MBD5: variants seen among roughly 807,000 people sequenced by gnomAD.
MBD5 encodes methyl-CpG binding domain protein 5.
Under a neutral mutation model 117.3 loss-of-function variants are expected in MBD5, and 13 were observed. The observed-to-expected ratio is 0.11, with a 90% confidence interval of 0.07 to 0.18. MBD5 has a LOEUF of 0.18. Among genes scored for constraint, MBD5 ranks in the 10% least tolerant of loss-of-function variants. The pLI, the probability that MBD5 is intolerant of heterozygous loss-of-function variation, is 1.00. For missense variants in MBD5, 1,879 were observed against 2,093.8 expected, an observed-to-expected ratio of 0.90 and a Z score of 2.00; for synonymous variants, 727 against 766.4, an observed-to-expected ratio of 0.95 and a Z score of 0.85.
At chr2:148,186,400 C>T (rs571647415) in intron 2 of MBD5, among the ~76,000 whole-genome samples, 1 of 152,142 alleles carries the variant, frequency 6.6e-6, no homozygotes, top group Non-Finnish European at 1.5e-5. Context: ...AGCATGAAAA[C>T]AGACAAATAC....
chr2:148,326,884 G>T (rs1011344159), intron 3 of MBD5, among the ~76,000 whole-genome samples: 67 of 149,022 alleles, frequency 4.5e-4, no homozygotes, highest in African/African-American at 1.5e-3. Flanking sequence ...TCATTATGAT[G>T]TTAGCTGGTG....
chr2:148,067,205 T>C (rs1229969761), intron 1 of MBD5, among the ~76,000 whole-genome samples: 6 of 152,218 alleles, frequency 3.9e-5, no homozygotes, highest in African/African-American at 1.4e-4. Flanking sequence ...AGCAGTTCTA[T>C]TGAACACCCA....
intron 2 of MBD5, among the ~76,000 whole-genome samples, chr2:148,211,535 T>C (rs1699422134): frequency 6.6e-6 from 1 of 152,170 alleles, no homozygotes; most frequent in Non-Finnish European, 1.5e-5. Context: ...TTTTCCTGTG[T>C]TTATTTATTC....
chr2:148,489,972 A>G lies in MBD5; in HGVS notation c.4340A>G (p.Glu1447Gly). 6.2e-7 allele frequency: 1 copy of G among 1,614,062 alleles called. No homozygotes were observed. The highest frequency in any genetic ancestry group is 1.7e-5 in the Admixed American group (1 of 60,006). Residue 1447 changes from glutamate to glycine, a missense_variant, in exon 11 of 14, where the codon GAA becomes GGA. Transcript: ENST00000642680. Reference protein sequence around the residue: ...RGERNRWKYEEFLDHPGHIHS... With the variant: ...RGERNRWKYEGFLDHPGHIHS... ...GAGCGAAACAGGTGGAAGTACGAGG[A>G]ATTTTTAGATCATCCAGGCCATATC... is the stretch of plus-strand genomic sequence containing the variant.
At chr2:148,249,983 T>A (rs1186331687) in intron 3 of MBD5, among the ~76,000 whole-genome samples, 1 of 148,496 alleles carries the variant, frequency 6.7e-6, no homozygotes, top group African/African-American at 2.4e-5. Flanking sequence ...AGCTTTTAAC[T>A]TTTTTTCCGC....
chr2:148,364,677 G>T (rs925170636), intron 4 of MBD5, among the ~76,000 whole-genome samples: 1 of 152,104 alleles, frequency 6.6e-6, no homozygotes, highest in Non-Finnish European at 1.5e-5. Flanking sequence ...GCAATAAAAA[G>T]CAGGGGTTGC....
intron 4 of MBD5, chr2:148,447,422 A>G (rs1282105626): frequency 6.6e-6 from 1 of 152,150 alleles, no homozygotes; most frequent in African/African-American, 2.4e-5. Context: ...GGTAATGCAT[A>G]ATGATCTACT....
intron 3 of MBD5, among the ~76,000 whole-genome samples, chr2:148,267,563 C>A (rs1009534922): frequency 6.6e-6 from 1 of 152,082 alleles, no homozygotes; most frequent in Admixed American, 6.6e-5. Flanking sequence ...AGCTAAAGCC[C>A]ATCTCCATTC....
chr2:148,350,392 T>A (rs566469988), intron 4 of MBD5, among the ~76,000 whole-genome samples: 10 of 151,976 alleles, frequency 6.6e-5, no homozygotes, highest in Non-Finnish European at 1.5e-4. Flanking sequence ...TATTCATTTA[T>A]AAAAAGATAT....
intron 3 of MBD5, among the ~76,000 whole-genome samples, chr2:148,322,653 C>G (rs569938206): frequency 1.6e-4 from 25 of 152,154 alleles, no homozygotes; most frequent in African/African-American, 5.8e-4. Flanking sequence ...ATGTGCATTG[C>G]CTTTGCACAA....
chr2:148,172,111 A>C (rs1698276722), intron 1 of MBD5, among the ~76,000 whole-genome samples: 1 of 152,224 alleles, frequency 6.6e-6, no homozygotes, highest in Non-Finnish European at 1.5e-5. Context: ...CCTGTCTGGA[A>C]CTGCCCCTGC....
chr2:148,197,432 T>G (rs554398921), intron 2 of MBD5, among the ~76,000 whole-genome samples: 1 of 152,358 alleles, frequency 6.6e-6, no homozygotes, highest in South Asian at 2.1e-4. Flanking sequence ...AAAAAGGTTC[T>G]GTTTCCAGGT....
chr2:148,263,616 G>T (rs565733516), intron 3 of MBD5, among the ~76,000 whole-genome samples: 17 of 152,228 alleles, frequency 1.1e-4, no homozygotes, highest in Middle Eastern at 3.4e-3. Flanking sequence ...TGTATTGAAG[G>T]AAAAAGTCAT....
intron 4 of MBD5, among the ~76,000 whole-genome samples, chr2:148,440,657 A>G (rs1706290981): frequency 6.6e-6 from 1 of 152,248 alleles, no homozygotes; most frequent in South Asian, 2.1e-4. Flanking sequence ...TTTGCATACT[A>G]TGTACCTGAC....
chr2:148,122,505 T>C (rs1696793641), intron 1 of MBD5, among the ~76,000 whole-genome samples: 1 of 152,208 alleles, frequency 6.6e-6, no homozygotes, highest in African/African-American at 2.4e-5. Flanking sequence ...GTACATGATA[T>C]GTTTTAGAAT....
chr2:148,406,017 T>A (rs1008477982), intron 4 of MBD5, among the ~76,000 whole-genome samples: 1 of 152,020 alleles, frequency 6.6e-6, no homozygotes, highest in Non-Finnish European at 1.5e-5. Context: ...TTGATTTAAA[T>A]AAATAAATAA....
chr2:148,171,277 C>G (rs1055763388), intron 1 of MBD5, among the ~76,000 whole-genome samples: 1 of 152,102 alleles, frequency 6.6e-6, no homozygotes, highest in African/African-American at 2.4e-5. Context: ...TTAAAAATAT[C>G]ATCCACCATG....
chr2:148,484,463 C>T (rs1266192131), intron 9 of MBD5, among the ~76,000 whole-genome samples: 3 of 152,160 alleles, frequency 2.0e-5, no homozygotes, highest in Non-Finnish European at 4.4e-5. Context: ...AGCACAGGTA[C>T]ATCTTAAAAA....
chr2:148,173,664 G>T (rs932506464), intron 1 of MBD5, among the ~76,000 whole-genome samples: 3 of 152,170 alleles, frequency 2.0e-5, no homozygotes, highest in Non-Finnish European at 2.9e-5. Context: ...AGGCTACAGT[G>T]AGCTATGATC....
Sources: allele counts gnomAD v4.1 joint callset (sites outside exome capture counted in the v4.1 genomes callset), GRCh38; gene constraint gnomAD v4.1.1; transcripts MANE v1.5; gene names NCBI Gene and HGNC (gene_info 2026-07-23, HGNC 2026-07-21).